NAALADL2: variants seen among roughly 807,000 people sequenced by gnomAD.
NAALADL2 encodes the protein N-acetylated alpha-linked acidic dipeptidase like 2.
In NAALADL2, 76 loss-of-function variants were observed where a neutral mutation model predicts 87.2. That is an observed-to-expected ratio of 0.87 (90% confidence interval 0.72 to 1.05). The LOEUF (loss-of-function observed/expected upper bound fraction) is 1.05, where lower values mean the gene tolerates loss of function less well. Among genes scored for constraint, NAALADL2 ranks in the 50% least tolerant of loss-of-function variants. The pLI is 0.00. For synonymous variants in NAALADL2, 354 were observed against 331.0 expected (o/e 1.07, Z -0.75); for missense variants, 1,089 against 945.8 (o/e 1.15, Z -1.99).
chr3:175,534,024 T>TTTATTTATTTATTATAAATAAA (rs1218098368), intron 9 of NAALADL2, among the ~76,000 whole-genome samples: 79 of 144,788 alleles, frequency 5.5e-4, no homozygotes, highest in Middle Eastern at 3.6e-3. Flanking sequence ...GTCAAATGCA[T>TTTATTTATTTATTATAAATAAA]TTATTTATTT....
chr3:175,711,113 C>G (rs549593237), intron 11 of NAALADL2, among the ~76,000 whole-genome samples: 21 of 151,698 alleles, frequency 1.4e-4, no homozygotes, highest in Non-Finnish European at 2.5e-4. Context: ...AAAATATTTC[C>G]TATGCATGAG....
intron 4 of NAALADL2, among the ~76,000 whole-genome samples, chr3:175,265,682 AC>A (rs1422320327): frequency 6.6e-6 from 1 of 151,568 alleles, no homozygotes; most frequent in Non-Finnish European, 1.5e-5. Flanking sequence ...GGAAAAAAAT[AC>A]TTCTCCCTAA....
chr3:175,651,458 A>G (rs373113048), intron 11 of NAALADL2, among the ~76,000 whole-genome samples: 3 of 152,264 alleles, frequency 2.0e-5, no homozygotes. Context: ...GTTTCACTCT[A>G]ATTCATTTTG....
intron 1 of NAALADL2, among the ~76,000 whole-genome samples, chr3:174,912,327 A>G (rs1461527415): frequency 3.3e-5 from 5 of 151,584 alleles, no homozygotes; most frequent in Admixed American, 3.3e-4. Context: ...TTTCTTTGAA[A>G]AAGCTCTGCA....
intron 3 of NAALADL2, among the ~76,000 whole-genome samples, chr3:174,799,184 A>T (rs1414850893): frequency 1.3e-5 from 2 of 151,744 alleles, no homozygotes; most frequent in East Asian, 1.9e-4. Context: ...AAAAAAAAAA[A>T]ATTATTTTGT....
chr3:174,967,583 G>C (rs1009920543), intron 1 of NAALADL2, among the ~76,000 whole-genome samples: 2 of 152,058 alleles, frequency 1.3e-5, no homozygotes, highest in African/African-American at 2.4e-5. Flanking sequence ...TGCAGCTTTT[G>C]TTCTCATTTT....
intron 2 of NAALADL2, among the ~76,000 whole-genome samples, chr3:175,100,498 T>C (rs1039488702): frequency 6.6e-6 from 1 of 152,172 alleles, no homozygotes; most frequent in Admixed American, 6.6e-5. Flanking sequence ...GCCTCCTACC[T>C]GCCATATCTA....
At chr3:174,962,371 C>CATAGTCACTATGACAT (rs1742148277) in intron 1 of NAALADL2, among the ~76,000 whole-genome samples, 1 of 75,744 alleles carries the variant, frequency 1.3e-5, no homozygotes, top group Non-Finnish European at 2.7e-5. Flanking sequence ...GTGACTATGA[C>CATAGTCACTATGACAT]ATATATATAT....
At chr3:174,733,462 T>C (rs1335159228) in intron 2 of NAALADL2, among the ~76,000 whole-genome samples, 3 of 152,260 alleles carry the variant, frequency 2.0e-5, no homozygotes, top group African/African-American at 7.2e-5. Flanking sequence ...ATCACATGCA[T>C]GGATGCAGAT....
At chr3:175,298,685 C>T (rs1401110402) in intron 4 of NAALADL2, among the ~76,000 whole-genome samples, 1 of 152,098 alleles carries the variant, frequency 6.6e-6, no homozygotes, top group Non-Finnish European at 1.5e-5. Context: ...CAGGAAAATA[C>T]TCCCTTTCTT....
At chr3:174,780,942 C>T (rs1374398272) in intron 3 of NAALADL2, among the ~76,000 whole-genome samples, 1 of 151,966 alleles carries the variant, frequency 6.6e-6, no homozygotes, top group Non-Finnish European at 1.5e-5. Context: ...ATGTTTAGTG[C>T]TTCCCTCAGG....
At chr3:175,268,411 CAGTGAGTG>C (rs1752301092) in intron 4 of NAALADL2, among the ~76,000 whole-genome samples, 1 of 152,098 alleles carries the variant, frequency 6.6e-6, no homozygotes, top group African/African-American at 2.4e-5. Flanking sequence ...CTCTAGGTGT[CAGTGAGTG>C]AGTGGTGGGT....
chr3:174,477,829 A>G (rs1717304130), intron 1 of NAALADL2, among the ~76,000 whole-genome samples: 1 of 152,180 alleles, frequency 6.6e-6, no homozygotes, highest in African/African-American at 2.4e-5. Context: ...TAGGTGAATA[A>G]TTGTCCTAAG....
At chr3:175,553,818 T>C (rs1428751413) in intron 9 of NAALADL2, among the ~76,000 whole-genome samples, 1 of 151,666 alleles carries the variant, frequency 6.6e-6, no homozygotes, top group Non-Finnish European at 1.5e-5. Context: ...ATTATCAGTA[T>C]TGATTAATTT....
intron 2 of NAALADL2, among the ~76,000 whole-genome samples, chr3:174,696,039 A>G (rs1728981417): frequency 6.6e-6 from 1 of 152,052 alleles, no homozygotes; most frequent in Admixed American, 6.6e-5. Flanking sequence ...TGAGATCTCC[A>G]GTAAGAAACA....
At chr3:175,551,824 G>A (rs1452804732) in intron 9 of NAALADL2, among the ~76,000 whole-genome samples, 1 of 151,736 alleles carries the variant, frequency 6.6e-6, no homozygotes, top group Non-Finnish European at 1.5e-5. Flanking sequence ...CGTGAACCTG[G>A]GAGGCGGAGT....
At chr3:175,761,368 GTTCAT>G (rs1266556280) in intron 13 of NAALADL2, among the ~76,000 whole-genome samples, 2 of 152,124 alleles carry the variant, frequency 1.3e-5, no homozygotes, top group Non-Finnish European at 2.9e-5. Flanking sequence ...TTTTCTCCGT[GTTCAT>G]TTCTTTTTAT....
chr3:175,321,675 C>G (rs1263399098), intron 4 of NAALADL2, among the ~76,000 whole-genome samples: 18 of 112,022 alleles, frequency 1.6e-4, no homozygotes, highest in African/African-American at 6.9e-4. Context: ...AAATCACAAG[C>G]ATTCTTATAC....
At chr3:175,531,782 G>C (rs969399695) in intron 9 of NAALADL2, among the ~76,000 whole-genome samples, 1 of 152,150 alleles carries the variant, frequency 6.6e-6, no homozygotes, top group African/African-American at 2.4e-5. Flanking sequence ...GCTGCAATTG[G>C]AGTCACCACT....
Sources: gnomAD v4.1 joint callset for allele counts (sites outside exome capture counted in the v4.1 genomes callset) on GRCh38, gnomAD v4.1.1 for gene constraint, MANE v1.5 for transcripts, NCBI Gene and HGNC (gene_info 2026-07-23, HGNC 2026-07-21) for gene names.